RBL2: variants seen among roughly 807,000 people sequenced by gnomAD.
RBL2 encodes the protein retinoblastoma-like protein 2.
RBL2 carries 56 observed loss-of-function variants against 126.0 expected under a neutral mutation model. The observed-to-expected ratio is 0.44, with a 90% CI of 0.36 to 0.56. The LOEUF (loss-of-function observed/expected upper bound fraction) is 0.56. Ranked by LOEUF, RBL2 falls within the 20% of genes least tolerant of loss-of-function variation. The pLI is 0.00. For synonymous variants in RBL2, 454 were observed against 478.5 expected, an observed-to-expected ratio of 0.95 and a Z score of 0.67; for missense variants, 1,229 against 1,398.2, an observed-to-expected ratio of 0.88 and a Z score of 1.93.
At position 53,437,266 on chromosome 16, in the gene RBL2, A is replaced by G. The variant is rs2057967670; in HGVS notation, c.241-1750A>G. On this transcript the variant is annotated intron_variant, in intron 1 of 21. Coordinates refer to ENST00000262133, the MANE Select transcript of RBL2 (RefSeq NM_005611.4). ...TACATCATAAATCAAGAATATTATGAAACCATCTCCCAGAGATATATGTGA... is the reference window on the plus strand; with the variant it reads ...TACATCATAAATCAAGAATATTATGGAACCATCTCCCAGAGATATATGTGA... Among the ~76,000 whole-genome samples, 5 of 152,178 alleles carry G rather than the reference A, an allele frequency of 3.3e-5. No homozygotes were observed. In the South Asian group the frequency reaches 1.0e-3, roughly 31 times the overall value.
At chr16:53,489,568 A>C (rs1035233075) in intron 21 of RBL2, 2 of 152,190 alleles carry the variant, frequency 1.3e-5, no homozygotes, top group Middle Eastern at 6.3e-3. Context: ...CACTGTCCAG[A>C]AAATAATTTG....
chr16:53,481,747 A>G lies in RBL2; in HGVS notation c.3161A>G (p.His1054Arg). The change falls in exon 21 of 22, where the codon CAT (histidine) becomes CGT (arginine). Residue 1054 changes from histidine to arginine, a missense_variant. Around this residue, in one of 2 missense-constraint regions of RBL2, gnomAD observed 1,070 missense variants for 1,274.3 expected, o/e 0.84. Transcript: ENST00000262133. ...SPRRIQLSQNHPVYISPHKNE... is the reference protein window; with the variant it reads ...SPRRIQLSQNRPVYISPHKNE... ...CGCCGAATACAGTTGTCTCAAAATC[A>G]TCCTGTCTACATTTCCCCACATAAA... 1 of 1,601,030 alleles carries G rather than the reference A, an allele frequency of 6.2e-7. No homozygotes were observed. The highest frequency in any genetic ancestry group is 1.3e-5 in the African/African-American group (1 of 74,658).
Position 53,462,561 on chromosome 16 carries a change from G to A in RBL2, c.1466G>A (p.Ser489Asn). Residue 489 changes from serine (S) to asparagine (N), a missense_variant, in exon 11 of 22, where the codon AGC becomes AAC. By Grantham distance (46) the Ser-to-Asn change is conservative. Coordinates refer to ENST00000262133, the MANE Select transcript of RBL2 (RefSeq NM_005611.4). Reference sequence around the variant, plus strand: ...TTTATTATTTCTACAGAAATTGCCAGCAAACATTTTCGTTTTGCGGAGATG... The same window carrying A: ...TTTATTATTTCTACAGAAATTGCCAACAAACATTTTCGTTTTGCGGAGATG... ...DFSNCAKEIA[S>N]KHFRFAEMLY... The A allele has an allele frequency of 3.9e-6, 6 of 1,542,400 alleles. No homozygotes were observed. Among genetic ancestry groups the A allele is most frequent in the South Asian group, 2.5e-5 (2 of 80,822 alleles).
chr16:53,490,138 A>G lies in RBL2; in HGVS notation c.3258A>G (p.Arg1086=). 6.3e-7 allele frequency: 1 copy of G among 1,574,882 alleles called. No homozygotes were observed. Among genetic ancestry groups the G allele is most frequent in the Non-Finnish European group, 8.6e-7 (1 of 1,157,964 alleles). Residue 1086 remains arginine (R), a synonymous_variant, in exon 22 of 22, where the codon AGA becomes AGG. Transcript: ENST00000262133. Reference sequence around the variant, plus strand: ...TCTTTTTCCCACCATAGAGACTGAGAGAAATTAATAGTATGATACGCACAG... The same window carrying G: ...TCTTTTTCCCACCATAGAGACTGAGGGAAATTAATAGTATGATACGCACAG... The part of the protein sequence containing the change: ...YFSNSPSKRL[R]EINSMIRTGE...
chr16:53,440,615 G>A (rs2058005584), intron 2 of RBL2, among the ~76,000 whole-genome samples: 1 of 152,022 alleles, frequency 6.6e-6, no homozygotes, highest in South Asian at 2.1e-4. Context: ...GTGCAGGGGC[G>A]TGATCTCAGC....
chr16:53,441,827 CTTTTTCTTTTTT>C (rs2058019006), intron 2 of RBL2, among the ~76,000 whole-genome samples: 2 of 151,772 alleles, frequency 1.3e-5, no homozygotes, highest in Admixed American at 6.6e-5. Context: ...TTTTCTTTTT[CTTTTTCTTTTTT>C]GAGACAGAGT....
intron 5 of RBL2, among the ~76,000 whole-genome samples, chr16:53,452,609 T>A (rs1314317786): frequency 1.3e-5 from 2 of 152,156 alleles, no homozygotes; most frequent in Non-Finnish European, 2.9e-5. Flanking sequence ...CATAACTCCC[T>A]TGTATATTCC....
intron 11 of RBL2, among the ~76,000 whole-genome samples, chr16:53,462,871 T>TG (rs1422653591): frequency 6.6e-6 from 1 of 152,226 alleles, no homozygotes. Context: ...GATGGAGTCT[T>TG]GCGCTGTCGC....
chr16:53,455,140 G>A (rs1417626138), intron 8 of RBL2, among the ~76,000 whole-genome samples: 1 of 152,230 alleles, frequency 6.6e-6, no homozygotes, highest in Non-Finnish European at 1.5e-5. Flanking sequence ...CTTATATGTA[G>A]TGAACATAGT....
chr16:53,434,854 G>T, intron 1 of RBL2, 58 bp downstream of exon 1: 1 of 1,415,340 alleles, frequency 7.1e-7, no homozygotes, highest in South Asian at 1.4e-5. Flanking sequence ...GGTGCCTTCC[G>T]AGCCGCGTCG....
chr16:53,467,994 A>G (rs1042132832), intron 14 of RBL2, among the ~76,000 whole-genome samples: 3 of 152,200 alleles, frequency 2.0e-5, no homozygotes, highest in African/African-American at 7.2e-5. Context: ...TGCTGGCCCA[A>G]GAAATACAGA....
chr16:53,463,589 C>T (rs2058244731), intron 11 of RBL2, among the ~76,000 whole-genome samples: 1 of 113,866 alleles, frequency 8.8e-6, no homozygotes, highest in Non-Finnish European at 1.7e-5. Flanking sequence ...TTTTTTTGAG[C>T]CAGAGTTTCG....
intron 17 of RBL2, among the ~76,000 whole-genome samples, chr16:53,475,388 G>C (rs757257348): frequency 1.2e-4 from 18 of 151,996 alleles, no homozygotes; most frequent in Non-Finnish European, 2.5e-4. Flanking sequence ...GCTAGTTTTT[G>C]TATTTTTAGT....
chr16:53,434,588 C>T lies in RBL2; in HGVS notation c.32C>T (p.Pro11Leu). 1.3e-6 allele frequency: 2 copies of T among 1,542,254 alleles called. No homozygotes were observed. Among genetic ancestry groups the T allele is most frequent in the East Asian group, 2.4e-5 (1 of 41,048 alleles). ...TCGGGAGGTGACCAGTCGCCACCGC[C>T]CCCGCCTCCCCCTCCGGCGGCGGCA... Reference protein sequence around the residue: MPSGGDQSPPPPPPPPAAAAS... With the variant: MPSGGDQSPPLPPPPPAAAAS... Residue 11 changes from proline to leucine, a missense_variant, in exon 1 of 22, where the codon CCC becomes CTC. Transcript: ENST00000262133.
rs1223831372 is a variant in RBL2 at position 53,490,677 on chromosome 16, T to C, written c.*377T>C. 6.0e-6 allele frequency: 1 copy of C among 165,332 alleles called. No homozygotes were observed. The highest frequency in any genetic ancestry group is 1.3e-5 in the Non-Finnish European group (1 of 77,044). The allele number at this position is 165,332 out of a possible 1,614,324, so 10.2% of individuals were successfully genotyped here. On this transcript the variant is annotated 3_prime_UTR_variant, in exon 22 of 22. Transcript: ENST00000262133. ...TGTGTTTCAAGTTCAATCCTACCTG[T>C]TTTGTGGTCAGCTGTAGTCCTCATA...
In RBL2 at chr16:53,470,363, CT is replaced by C; in HGVS notation, c.2246-13del. 1 of 1,603,906 alleles carries C rather than the reference CT, an allele frequency of 6.2e-7. No homozygotes were observed. The highest frequency in any genetic ancestry group is 8.5e-7 in the Non-Finnish European group (1 of 1,172,258). ...TCTTATTATCAACATTTTCTTCATGCTTTTTTTCTCTGTCACTAGGTATTGC... is the reference window on the plus strand; with the variant it reads ...TCTTATTATCAACATTTTCTTCATGCTTTTTTCTCTGTCACTAGGTATTGC... On this transcript the variant is annotated intron_variant, in intron 15 of 21. Coordinates refer to ENST00000262133, the MANE Select transcript of RBL2 (RefSeq NM_005611.4).
chr16:53,441,757 G>A (rs1307384580), intron 2 of RBL2, among the ~76,000 whole-genome samples: 4 of 152,098 alleles, frequency 2.6e-5, no homozygotes, highest in Non-Finnish European at 5.9e-5. Flanking sequence ...TTTATCTTTG[G>A]GGTAGAAGGG....
At chr16:53,463,546 C>G (rs1321481491) in intron 11 of RBL2, among the ~76,000 whole-genome samples, 1 of 140,430 alleles carries the variant, frequency 7.1e-6, no homozygotes, top group Admixed American at 7.1e-5. Flanking sequence ...TGGCCCCTTT[C>G]AATATTTTTT....
chr16:53,439,927 C>G (rs913784081), intron 2 of RBL2, among the ~76,000 whole-genome samples: 1 of 141,316 alleles, frequency 7.1e-6, no homozygotes, highest in Non-Finnish European at 1.5e-5. Flanking sequence ...GCACTCCAGC[C>G]TGGGCCACAG....
Sources: gnomAD v4.1 joint callset for allele counts (sites outside exome capture counted in the v4.1 genomes callset) on GRCh38, gnomAD v4.1.1 for gene constraint, gnomAD v4.1.1 regional missense constraint, MANE v1.5 for transcripts, NCBI Gene and HGNC (gene_info 2026-07-23, HGNC 2026-07-21) for gene names.